REPS1: variants seen among roughly 807,000 people sequenced by gnomAD.
REPS1 encodes the protein ralBP1-associated Eps domain-containing protein 1.
In REPS1, 39 loss-of-function variants were observed where a neutral mutation model predicts 100.9. The ratio of observed to expected loss-of-function variants is 0.39; its 90% CI spans 0.30 to 0.50. REPS1 has a LOEUF of 0.50. Ranked by LOEUF, REPS1 falls within the 20% of genes least tolerant of loss-of-function variation. The pLI, the probability that REPS1 is intolerant of heterozygous loss-of-function variation, is 0.86. For synonymous variants in REPS1, 324 were observed against 340.3 expected (o/e 0.95, Z 0.53); for missense variants, 821 against 968.5 (o/e 0.85, Z 2.02).
At chr6:138,937,714 G>C (rs1454836381) in intron 8 of REPS1, among the ~76,000 whole-genome samples, 1 of 152,172 alleles carries the variant, frequency 6.6e-6, no homozygotes, top group Non-Finnish European at 1.5e-5. Flanking sequence ...GAGCAGTGTG[G>C]TGTAAAGGTA....
chr6:138,941,397 T>C lies in REPS1; in HGVS notation c.1073A>G (p.Asp358Gly). Residue 358 changes from aspartate to glycine, a missense_variant, in exon 8 of 20, where the codon GAT (aspartate) becomes GGT (glycine). By Grantham distance (94) the Asp-to-Gly change is moderately conservative. Around this residue, in one of 3 missense-constraint regions of REPS1, gnomAD observed 757 missense variants for 866.4 expected, o/e 0.87. Coordinates refer to ENST00000450536, the MANE Select transcript of REPS1 (RefSeq NM_001286611.2). Reference sequence around the variant, plus strand: ...GCTTTCAGGAAGTTTTTCTGGTAAATCATAGCCATTCTTCCTAGCAACCAC... The same window carrying C: ...GCTTTCAGGAAGTTTTTCTGGTAAACCATAGCCATTCTTCCTAGCAACCAC... ...HLVVARKNGY[D>G]LPEKLPESLM... 1 of 1,614,088 alleles carries C rather than the reference T, an allele frequency of 6.2e-7. No individual in the cohort carries two copies. Among genetic ancestry groups the C allele is most frequent in the Non-Finnish European group, 8.5e-7 (1 of 1,179,992 alleles).
chr6:138,922,382 TTC>T (rs1780833251), intron 10 of REPS1, among the ~76,000 whole-genome samples: 2 of 152,222 alleles, frequency 1.3e-5, no homozygotes, highest in Admixed American at 1.3e-4. Context: ...GCTAATACTT[TTC>T]TTAAACATTT....
intron 14 of REPS1, chr6:138,914,971 C>T: frequency 1.9e-6 from 1 of 539,422 alleles, no homozygotes; most frequent in South Asian, 2.4e-5. Flanking sequence ...TGCTTCTTAC[C>T]TCTATTACAT....
intron 6 of REPS1, 103 bp from the exon 7 acceptor site, chr6:138,943,679 A>C: frequency 1.0e-6 from 1 of 994,608 alleles, no homozygotes. Flanking sequence ...AGATATTTTT[A>C]ATATGTGAAT....
intron 8 of REPS1, among the ~76,000 whole-genome samples, chr6:138,939,507 T>C (rs1335781565): frequency 2.0e-5 from 3 of 152,196 alleles, no homozygotes; most frequent in African/African-American, 7.2e-5. Context: ...AAAAATTAAA[T>C]ATATGCAAAA....
rs566583640 is a variant in REPS1, at chr6:138,908,492, T to G, written c.2216+176A>C. 7.2e-5 allele frequency among the ~76,000 whole-genome samples: 11 copies of G among 152,278 alleles called. No homozygotes were observed. The East Asian group carries it at 2.1e-3, about 29-fold the overall frequency. ...TTGTATTTTTAGCAGAGATGGGGTT[T>G]CACCATGTTGGTCAGGCTGGTCTAA... is the stretch of plus-strand genomic sequence containing the variant. On this transcript the variant is annotated intron_variant, in intron 18 of 19. Coordinates refer to ENST00000450536, the MANE Select transcript of REPS1 (RefSeq NM_001286611.2).
intron 1 of REPS1, among the ~76,000 whole-genome samples, chr6:138,969,269 AT>A (rs71013004): frequency 3.5e-3 from 261 of 74,214 alleles, no homozygotes; most frequent in African/African-American, 9.0e-3. Flanking sequence ...CAAAGCTGTA[AT>A]TTTTTTTTTT....
At chr6:138,969,859 A>ATTGTTTTTTT (rs1784235573) in intron 1 of REPS1, among the ~76,000 whole-genome samples, 1 of 94,636 alleles carries the variant, frequency 1.1e-5, no homozygotes, top group African/African-American at 4.3e-5. Flanking sequence ...GTGAATTGGG[A>ATTGTTTTTTT]TTTTTTTTTT....
chr6:138,933,424 C>T (rs978419145), intron 8 of REPS1, among the ~76,000 whole-genome samples: 9 of 152,148 alleles, frequency 5.9e-5, no homozygotes, highest in East Asian at 1.9e-4. Flanking sequence ...GAATTTCATA[C>T]AATTTTTAAT....
intron 1 of REPS1, among the ~76,000 whole-genome samples, chr6:138,955,838 T>C (rs552161134): frequency 6.0e-4 from 91 of 152,284 alleles, no homozygotes; most frequent in Non-Finnish European, 1.1e-3. Context: ...TCTTCATATA[T>C]TAACTGAGGA....
At chr6:138,925,341 TG>T (rs1379218371) in intron 10 of REPS1, among the ~76,000 whole-genome samples, 1 of 152,132 alleles carries the variant, frequency 6.6e-6, no homozygotes, top group Non-Finnish European at 1.5e-5. Flanking sequence ...CACTCCAGCC[TG>T]GGCGAAAGAG....
At chr6:138,943,153 C>A (rs1461903905) in intron 7 of REPS1, among the ~76,000 whole-genome samples, 3 of 152,206 alleles carry the variant, frequency 2.0e-5, no homozygotes, top group African/African-American at 7.2e-5. Context: ...TAAATGGAAG[C>A]TAACACCATT....
At chr6:138,963,257 G>A (rs1376347069) in intron 1 of REPS1, among the ~76,000 whole-genome samples, 1 of 151,956 alleles carries the variant, frequency 6.6e-6, no homozygotes, top group African/African-American at 2.4e-5. Flanking sequence ...TTCTTTCTCT[G>A]TGCTAGTACC....
At chr6:138,964,418 T>A (rs539196135) in intron 1 of REPS1, among the ~76,000 whole-genome samples, 17 of 152,214 alleles carry the variant, frequency 1.1e-4, no homozygotes, top group African/African-American at 4.1e-4. Flanking sequence ...AAGAAATATA[T>A]AAAATTCATC....
intron 12 of REPS1, among the ~76,000 whole-genome samples, chr6:138,919,896 T>C (rs1483895008): frequency 6.6e-6 from 1 of 152,204 alleles, no homozygotes; most frequent in Non-Finnish European, 1.5e-5. Flanking sequence ...GAACAGATCC[T>C]GGCATACTGT....
intron 1 of REPS1, among the ~76,000 whole-genome samples, chr6:138,969,859 ATTTTTTTT>A (rs56070030): frequency 3.2e-5 from 3 of 94,636 alleles, no homozygotes; most frequent in Admixed American, 1.3e-4. Flanking sequence ...GTGAATTGGG[ATTTTTTTT>A]TTTTTTTTTT....
rs550573092 is a variant in REPS1, at chr6:138,914,734, T to A, written c.1748A>T (p.His583Leu). The A allele has an allele frequency of 4.3e-5, 70 of 1,612,408 alleles. 1 individual carries two copies. In the South Asian group the frequency reaches 7.4e-4, roughly 17 times the overall value. Residue 583 changes from histidine to leucine, a missense_variant, in exon 15 of 20, where the codon CAT becomes CTT. By Grantham distance (99) the His-to-Leu change is moderately conservative (BLOSUM62 -3). Transcript: ENST00000450536. ...TGGTCTTGGAGGCACTGCAGGAGGATGGGCAACAACTCCAGCCTGTTGTTG... is the reference window on the plus strand; with the variant it reads ...TGGTCTTGGAGGCACTGCAGGAGGAAGGGCAACAACTCCAGCCTGTTGTTG... ...TGQQQAGVVA[H>L]PPAVPPRPQP... is the part of the protein sequence containing the mutation.
intron 1 of REPS1, among the ~76,000 whole-genome samples, chr6:138,968,737 C>G (rs1440127939): frequency 6.6e-6 from 1 of 152,110 alleles, no homozygotes; most frequent in Non-Finnish European, 1.5e-5. Flanking sequence ...GAAAACAAAA[C>G]TGTAATTTCA....
chr6:138,931,333 C>T (rs563714121), intron 8 of REPS1, among the ~76,000 whole-genome samples: 160 of 152,306 alleles, frequency 1.1e-3, no homozygotes, highest in Non-Finnish European at 1.8e-3. Flanking sequence ...CAGGTATTTA[C>T]TGAATCAGTT....
Sources: gnomAD v4.1 joint callset for allele counts (sites outside exome capture counted in the v4.1 genomes callset) on GRCh38, gnomAD v4.1.1 for gene constraint, gnomAD v4.1.1 regional missense constraint, MANE v1.5 for transcripts, NCBI Gene and HGNC (gene_info 2026-07-23, HGNC 2026-07-21) for gene names.